The following GRIA4 variants were observed in gnomAD, a reference collection of about 807,000 sequenced individuals.
GRIA4 encodes the protein glutamate receptor 4.
Under a neutral mutation model 104.0 loss-of-function variants are expected in GRIA4, and 34 were observed. The ratio of observed to expected loss-of-function variants is 0.33; its 90% CI spans 0.25 to 0.44. The LOEUF is 0.44. GRIA4 is among the 20% of genes least tolerant of loss of function. The pLI, the probability that GRIA4 is intolerant of heterozygous loss-of-function variation, is 1.00. For missense variants in GRIA4, 750 were observed against 1,096.5 expected (o/e 0.68, Z 4.46); for synonymous variants, 386 against 381.9 (o/e 1.01, Z -0.13).
chr11:105,974,449 CAA>C lies in GRIA4; in HGVS notation c.2544+7_2544+8del, dbSNP rs1330726330. Reference sequence around the variant, plus strand: ...GCAGAAGCGAAGAGAATGAAGGTGGCAAAGAGTGCACAGACTTTTAACCCAAC... The same window carrying C: ...GCAGAAGCGAAGAGAATGAAGGTGGCAGAGTGCACAGACTTTTAACCCAAC... On this transcript the variant is annotated splice_donor_region_variant and intron_variant, in intron 16 of 16. Coordinates refer to ENST00000282499, the MANE Select transcript of GRIA4 (RefSeq NM_000829.4). 1.2e-6 allele frequency: 2 copies of C among 1,613,898 alleles called. No individual in the cohort carries two copies. Among genetic ancestry groups the C allele is most frequent in the Non-Finnish European group, 1.7e-6 (2 of 1,179,834 alleles).
intron 3 of GRIA4, among the ~76,000 whole-genome samples, chr11:105,745,860 G>A (rs1489084202): frequency 6.6e-6 from 1 of 152,090 alleles, no homozygotes; most frequent in Non-Finnish European, 1.5e-5. Context: ...GCTTAAGAAT[G>A]TAAACATTTT....
Position 105,944,362 on chromosome 11 carries a change from T to G in GRIA4, c.2294+10393T>G, listed in dbSNP as rs376025511. 1.4e-4 allele frequency among the ~76,000 whole-genome samples: 21 copies of G among 152,274 alleles called. No homozygotes were observed. The East Asian group carries it at 3.9e-3, about 28-fold the overall frequency. On this transcript the variant is annotated intron_variant, in intron 14 of 16. Transcript: ENST00000282499. The stretch of plus-strand genomic sequence containing the variant: ...AATAACAATAGCACATGATCTTGTA[T>G]GGGTTCAGGCTCATTCTTGGTCTCC...
At position 105,874,701 on chromosome 11, in the gene GRIA4, T is replaced by A. The variant is rs564469642; in HGVS notation, c.672+12493T>A. Among the ~76,000 whole-genome samples the A allele has an allele frequency of 1.7e-3, 260 of 152,142 alleles. 1 individual carries two copies. Among genetic ancestry groups the A allele is most frequent in the African/African-American group, 6.0e-3 (250 of 41,542 alleles). On this transcript the variant is annotated intron_variant, in intron 5 of 16. Coordinates refer to ENST00000282499, the MANE Select transcript of GRIA4 (RefSeq NM_000829.4). ...AGCAATTGTGAATGGGCGTTCACTA[T>A]TGATTTGGCTGTTTGTCTATTATTG...
chr11:105,742,217 A>T (rs1424970502), intron 3 of GRIA4, among the ~76,000 whole-genome samples: 1 of 152,118 alleles, frequency 6.6e-6, no homozygotes, highest in African/African-American at 2.4e-5. Flanking sequence ...TTGAAACTTG[A>T]ACTACTTTCA....
chr11:105,797,862 TG>T (rs1347046432), intron 4 of GRIA4: 6 of 448,438 alleles, frequency 1.3e-5, no homozygotes, highest in Non-Finnish European at 2.2e-5. Flanking sequence ...CAGAGCTCAA[TG>T]TATTTAATTA....
chr11:105,619,076 G>A (rs1197482302), intron 3 of GRIA4, among the ~76,000 whole-genome samples: 1 of 149,096 alleles, frequency 6.7e-6, no homozygotes. Flanking sequence ...TATATGACCA[G>A]AAAAAAAAAA....
At chr11:105,726,115 A>G (rs1193793478) in intron 3 of GRIA4, among the ~76,000 whole-genome samples, 1 of 152,134 alleles carries the variant, frequency 6.6e-6, no homozygotes, top group Non-Finnish European at 1.5e-5. Context: ...CTACCTCCAT[A>G]GAGCCCAGCA....
rs73627662 is a variant in GRIA4, at chr11:105,674,865, G to A, written c.247+62431G>A. On this transcript the variant is annotated intron_variant, in intron 3 of 16. Coordinates refer to ENST00000282499, the MANE Select transcript of GRIA4 (RefSeq NM_000829.4). ...AATGCAGATTCAAGCAAGAAGTTCA[G>A]TTGTCAAATCAAAACCTTAGTAGTG... 8.5e-3 allele frequency among the ~76,000 whole-genome samples: 1,297 copies of A among 151,994 alleles called. 21 individuals carry two copies. The highest frequency in any genetic ancestry group is 0.03 in the African/African-American group (1,239 of 41,514).
intron 4 of GRIA4, among the ~76,000 whole-genome samples, chr11:105,841,047 T>A: frequency 6.6e-6 from 1 of 152,172 alleles, no homozygotes; most frequent in East Asian, 1.9e-4. Flanking sequence ...ATTTGAATTT[T>A]CTTTCAGTCT....
At chr11:105,969,961 G>C (rs1442846931) in intron 14 of GRIA4, among the ~76,000 whole-genome samples, 3 of 152,166 alleles carry the variant, frequency 2.0e-5, no homozygotes, top group Non-Finnish European at 4.4e-5. Context: ...TGTGGTTATT[G>C]TAACAATCAC....
At chr11:105,915,259 T>G (rs1947366544) in intron 10 of GRIA4, among the ~76,000 whole-genome samples, 1 of 152,176 alleles carries the variant, frequency 6.6e-6, no homozygotes, top group Non-Finnish European at 1.5e-5. Flanking sequence ...AGTAATTGTT[T>G]ATGCCCCTGG....
chr11:105,871,654 A>G (rs1945620389), intron 5 of GRIA4, among the ~76,000 whole-genome samples: 1 of 151,946 alleles, frequency 6.6e-6, no homozygotes, highest in African/African-American at 2.4e-5. Context: ...GAAGTATAGC[A>G]TAACAAAGCC....
intron 16 of GRIA4, among the ~76,000 whole-genome samples, chr11:105,979,332 A>C (rs1212229219): frequency 6.6e-6 from 1 of 152,208 alleles, no homozygotes; most frequent in African/African-American, 2.4e-5. Context: ...CAGTAGTTAA[A>C]TATTATAATT....
At chr11:105,694,796 C>T (rs1029341450) in intron 3 of GRIA4, among the ~76,000 whole-genome samples, 2 of 152,084 alleles carry the variant, frequency 1.3e-5, no homozygotes, top group South Asian at 2.1e-4. Flanking sequence ...TTAAATTTAA[C>T]TAAAGTTAAA....
intron 3 of GRIA4, among the ~76,000 whole-genome samples, chr11:105,681,409 A>G (rs1487544887): frequency 6.6e-6 from 1 of 152,212 alleles, no homozygotes; most frequent in Non-Finnish European, 1.5e-5. Context: ...AAAGTCATGA[A>G]GAAATGTGGC....
intron 14 of GRIA4, among the ~76,000 whole-genome samples, chr11:105,959,788 G>T (rs545083047): frequency 3.6e-4 from 55 of 152,254 alleles, no homozygotes; most frequent in South Asian, 8.3e-4. Flanking sequence ...GGGTGTTTGT[G>T]GGGGACTTTT....
intron 4 of GRIA4, among the ~76,000 whole-genome samples, chr11:105,811,897 G>T (rs1318366310): frequency 6.6e-6 from 1 of 152,108 alleles, no homozygotes; most frequent in Non-Finnish European, 1.5e-5. Context: ...AATTCACAAA[G>T]ACCAGCACCC....
intron 4 of GRIA4, among the ~76,000 whole-genome samples, chr11:105,803,129 T>C (rs1009535390): frequency 1.3e-5 from 2 of 152,026 alleles, no homozygotes; most frequent in African/African-American, 4.8e-5. Flanking sequence ...AAAATGTGTA[T>C]TGAGCCAAGC....
chr11:105,932,920 A>G (rs1947923692), intron 13 of GRIA4, among the ~76,000 whole-genome samples: 1 of 152,028 alleles, frequency 6.6e-6, no homozygotes, highest in South Asian at 2.1e-4. Context: ...TGTACACTAA[A>G]ATTTGGGGGC....
Sources: allele counts gnomAD v4.1 joint callset (sites outside exome capture counted in the v4.1 genomes callset), GRCh38; gene constraint gnomAD v4.1.1; transcripts MANE v1.5; gene names NCBI Gene and HGNC (gene_info 2026-07-23, HGNC 2026-07-21).